Variants in ITSN1 observed in about 807,000 individuals in gnomAD.
The protein encoded by ITSN1 is intersectin-1.
A neutral mutation model predicts 239.8 loss-of-function variants in ITSN1; 58 were observed. The ratio of observed to expected loss-of-function variants is 0.24; its 90% CI spans 0.20 to 0.30. ITSN1 has a LOEUF of 0.30. ITSN1 is among the 10% of genes least tolerant of loss of function. The pLI is 1.00. For synonymous variants in ITSN1, 780 were observed against 770.8 expected, an observed-to-expected ratio of 1.01 and a Z score of -0.20; for missense variants, 1,558 against 2,103.3, an observed-to-expected ratio of 0.74 and a Z score of 5.07.
At chr21:33,802,498 T>C in intron 20 of ITSN1, 54 bp downstream of exon 20, 1 of 1,574,918 alleles carries the variant, frequency 6.3e-7, no homozygotes, top group South Asian at 1.1e-5. Context: ...GTTTTGTCCT[T>C]TTAAGTCACT....
At chr21:33,754,097 A>G (rs1237516029) in intron 7 of ITSN1, 1 of 152,150 alleles carries the variant, frequency 6.6e-6, no homozygotes, top group East Asian at 1.9e-4. Flanking sequence ...AACACCCAAC[A>G]TTCCTGGCGT....
At chr21:33,860,686 A>C (rs566513892) in intron 31 of ITSN1, among the ~76,000 whole-genome samples, 108 of 152,248 alleles carry the variant, frequency 7.1e-4, no homozygotes, top group African/African-American at 2.6e-3. Flanking sequence ...GACTTCCCTA[A>C]AGTCACACAG....
At chr21:33,769,699 C>CT (rs201243816) in intron 11 of ITSN1, among the ~76,000 whole-genome samples, 32,819 of 145,388 alleles carry the variant, frequency 0.23, 5,846 homozygotes, top group African/African-American at 0.5. Context: ...CTGTCTCTGC[C>CT]TTTTTTTTTT....
chr21:33,829,395 T>A, intron 26 of ITSN1: 3 of 523,726 alleles, frequency 5.7e-6, no homozygotes, highest in Admixed American at 3.2e-5. Flanking sequence ...GACAAGGGAG[T>A]CTGCAGCCCA....
intron 4 of ITSN1, among the ~76,000 whole-genome samples, chr21:33,728,389 T>C (rs1412199884): frequency 2.6e-5 from 4 of 152,036 alleles, no homozygotes; most frequent in African/African-American, 9.6e-5. Flanking sequence ...CGCGCCACTA[T>C]GCCCAGCTAA....
At chr21:33,780,773 T>A (rs2070102274) in intron 14 of ITSN1, among the ~76,000 whole-genome samples, 1 of 152,238 alleles carries the variant, frequency 6.6e-6, no homozygotes, top group African/African-American at 2.4e-5. Context: ...ATGCAGAAAC[T>A]ATACAGGATA....
chr21:33,733,788 A>G (rs1474488050), intron 4 of ITSN1, among the ~76,000 whole-genome samples: 2 of 152,218 alleles, frequency 1.3e-5, no homozygotes, highest in African/African-American at 4.8e-5. Flanking sequence ...CTACAGGAGA[A>G]TGGGGAACTC....
At chr21:33,824,909 C>T (rs1019743780) in intron 25 of ITSN1, among the ~76,000 whole-genome samples, 2 of 152,130 alleles carry the variant, frequency 1.3e-5, no homozygotes, top group Non-Finnish European at 2.9e-5. Flanking sequence ...TTTTGCCCTG[C>T]GAGACAGCTG....
chr21:33,841,656 C>T (rs1379587742), intron 29 of ITSN1, among the ~76,000 whole-genome samples: 6 of 152,286 alleles, frequency 3.9e-5, no homozygotes, highest in Non-Finnish European at 5.9e-5. Flanking sequence ...CAGCACAGGG[C>T]GGGGGCAACA....
intron 4 of ITSN1, among the ~76,000 whole-genome samples, chr21:33,724,097 T>TTGTGTGTG (rs58227751): frequency 8.6e-5 from 13 of 150,542 alleles, no homozygotes; most frequent in Admixed American, 2.0e-4. Context: ...GTGTGTGTGT[T>TTGTGTGTG]TGTGTGTGTG....
At chr21:33,675,491 C>T (rs192555499) in intron 1 of ITSN1, among the ~76,000 whole-genome samples, 18 of 152,238 alleles carry the variant, frequency 1.2e-4, no homozygotes, top group South Asian at 1.0e-3. Context: ...GACTTGAACC[C>T]GGGACGGGGA....
intron 17 of ITSN1, 92 bp downstream of exon 17, chr21:33,794,560 A>G: frequency 6.7e-7 from 1 of 1,502,580 alleles, no homozygotes; most frequent in South Asian, 1.3e-5. Flanking sequence ...ACTGCACCAG[A>G]AAGAGCCTTC....
At position 33,794,402 on chromosome 21, in the gene ITSN1, G is replaced by A. The variant is rs199679586; in HGVS notation, c.1886G>A (p.Arg629Gln). ...AAGCAAAAGTCCATGGAGGCTGAAC[G>A]ACTGAAACAGAAAGAACAAGAACGA... ...LQKQKSMEAE[R>Q]LKQKEQERKI... Residue 629 changes from arginine (R) to glutamine (Q), a missense_variant, in exon 17 of 40, where the codon CGA (arginine) becomes CAA (glutamine). By Grantham distance (43) the Arg-to-Gln change is conservative (BLOSUM62 1). Coordinates refer to ENST00000381318, the MANE Select transcript of ITSN1 (RefSeq NM_003024.3). 5 of 1,613,792 alleles carry A rather than the reference G, an allele frequency of 3.1e-6. No individual in the cohort carries two copies. In the African/African-American group the frequency reaches 4.0e-5, roughly 13 times the overall value.
intron 3 of ITSN1, among the ~76,000 whole-genome samples, chr21:33,722,305 G>A (rs2065534669): frequency 6.6e-6 from 1 of 152,214 alleles, no homozygotes; most frequent in South Asian, 2.1e-4. Context: ...TGCACAATGG[G>A]TAGCTGTTCA....
chr21:33,666,710 A>G (rs2146323478), intron 1 of ITSN1, among the ~76,000 whole-genome samples: 1 of 152,338 alleles, frequency 6.6e-6, no homozygotes, highest in South Asian at 2.1e-4. Context: ...GGTATTGTGG[A>G]GCCCTTGGGG....
chr21:33,764,889 T>C (rs1419981648), intron 9 of ITSN1, among the ~76,000 whole-genome samples: 2 of 152,210 alleles, frequency 1.3e-5, no homozygotes, highest in Non-Finnish European at 2.9e-5. Context: ...AAGTTCATTA[T>C]GAAGAATGAT....
At chr21:33,667,313 T>C (rs188258496) in intron 1 of ITSN1, among the ~76,000 whole-genome samples, 2 of 152,202 alleles carry the variant, frequency 1.3e-5, no homozygotes, top group East Asian at 3.9e-4. Flanking sequence ...TCCTCAATAA[T>C]TTTTAAGTGT....
chr21:33,838,539 GT>G, intron 29 of ITSN1: 2 of 848,462 alleles, frequency 2.4e-6, no homozygotes, highest in Non-Finnish European at 2.8e-6. Context: ...GAACCTGGCA[GT>G]GGTGGTGAGG....
chr21:33,709,451 T>C (rs1423223232), intron 1 of ITSN1, among the ~76,000 whole-genome samples: 1 of 152,144 alleles, frequency 6.6e-6, no homozygotes. Flanking sequence ...ATTACGGGCA[T>C]GTGCCACCAT....
Sources: allele counts gnomAD v4.1 joint callset (sites outside exome capture counted in the v4.1 genomes callset), GRCh38; gene constraint gnomAD v4.1.1; transcripts MANE v1.5; gene names NCBI Gene and HGNC (gene_info 2026-07-23, HGNC 2026-07-21).